The following TTLL11 variants were observed in gnomAD, a reference collection of about 807,000 sequenced individuals.
TTLL11 encodes tubulin tyrosine ligase like 11, also known as tubulin polyglutamylase TTLL11.
TTLL11 carries 42 observed loss-of-function variants against 51.7 expected under a neutral mutation model. The observed-to-expected ratio is 0.81, with a 90% CI of 0.64 to 1.05. The LOEUF (loss-of-function observed/expected upper bound fraction) is 1.05. TTLL11 is among the 50% of genes least tolerant of loss of function. The probability of loss-of-function intolerance (pLI) is 0.00; values close to 1 mark genes in which losing one functional copy is unlikely to be tolerated. For synonymous variants in TTLL11, 381 were observed against 383.5 expected (o/e 0.99, Z 0.08); for missense variants, 799 against 940.4 (o/e 0.85, Z 1.97).
intron 6 of TTLL11, among the ~76,000 whole-genome samples, chr9:121,952,124 G>A (rs1005080958): frequency 1.3e-5 from 2 of 152,134 alleles, no homozygotes; most frequent in African/African-American, 2.4e-5. Context: ...TAGCTGCCTG[G>A]GAATGCAGCC....
intron 8 of TTLL11, among the ~76,000 whole-genome samples, chr9:121,831,109 C>G (rs764410736): frequency 6.6e-6 from 1 of 152,186 alleles, no homozygotes; most frequent in Non-Finnish European, 1.5e-5. Context: ...GAAGGCAAGC[C>G]AGCAATCTTA....
intron 6 of TTLL11, chr9:121,884,735 A>G (rs970159191): frequency 6.6e-6 from 1 of 152,156 alleles, no homozygotes; most frequent in African/African-American, 2.4e-5. Context: ...ACAATTATTA[A>G]TTTCTCAGCT....
intron 6 of TTLL11, among the ~76,000 whole-genome samples, chr9:121,884,273 T>C (rs940157170): frequency 5.3e-5 from 8 of 151,278 alleles, no homozygotes; most frequent in African/African-American, 1.9e-4. Context: ...AATCAATTAT[T>C]ACCCCACTTG....
At chr9:122,025,295 A>G (rs1431532058) in intron 3 of TTLL11, among the ~76,000 whole-genome samples, 1 of 152,206 alleles carries the variant, frequency 6.6e-6, no homozygotes, top group Non-Finnish European at 1.5e-5. Context: ...AGGTCACTAC[A>G]TACCTATTAG....
chr9:122,049,918 C>G lies in TTLL11; in HGVS notation c.463-10550G>C, dbSNP rs1845112494. On this transcript the variant is annotated intron_variant, in intron 1 of 8. Transcript: ENST00000321582. ...GGTGGCAAATAAGCTTTGATATAAGCAAGTCTGTGTGCAATGCATCTGTAG... is the reference window on the plus strand; with the variant it reads ...GGTGGCAAATAAGCTTTGATATAAGGAAGTCTGTGTGCAATGCATCTGTAG... Among the ~76,000 whole-genome samples the G allele has an allele frequency of 1.3e-5, 2 of 152,136 alleles. 1 individual carries two copies. The highest frequency in any genetic ancestry group is 4.2e-4 in the South Asian group (2 of 4,812).
rs77854676 is a variant in TTLL11 at position 121,933,103 on chromosome 9, G to A, written c.1481+40906C>T. Among the ~76,000 whole-genome samples the A allele has an allele frequency of 5.7e-3, 875 of 152,196 alleles. 3 individuals carry two copies. The highest frequency in any genetic ancestry group is 0.015 in the African/African-American group (614 of 41,518). On this transcript the variant is annotated intron_variant, in intron 6 of 8. Transcript: ENST00000321582. ...CAAGTGGTGATTAATATAACACGGC[G>A]GACAGTAGAGGAGGTGAAACTTGTA...
chr9:121,894,970 A>T (rs1035063726), intron 6 of TTLL11, among the ~76,000 whole-genome samples: 16 of 147,058 alleles, frequency 1.1e-4, no homozygotes, highest in African/African-American at 3.8e-4. Context: ...GGGAGAATTC[A>T]TGGTTGAGAA....
In TTLL11 at chr9:122,068,570, A is replaced by AC. The variant is rs552612722; in HGVS notation, c.462+24116_462+24117insG. 7.3e-3 allele frequency among the ~76,000 whole-genome samples: 1,113 copies of AC among 152,280 alleles called. 15 individuals are homozygous for AC. Among genetic ancestry groups the AC allele is most frequent in the African/African-American group, 0.026 (1,072 of 41,556 alleles). ...TCTAAGGTGGGGGTTATTATACCCC[A>AC]TCATTCAGCTGAGGAAACTAAGGCT... On this transcript the variant is annotated intron_variant, in intron 1 of 8. Transcript: ENST00000321582.
At chr9:121,985,815 C>T (rs1001793330) in intron 4 of TTLL11, among the ~76,000 whole-genome samples, 4 of 152,130 alleles carry the variant, frequency 2.6e-5, no homozygotes, top group African/African-American at 9.7e-5. Context: ...CCACCGCGCC[C>T]GGCCCAAGGA....
rs548403638 is a variant in TTLL11, at chr9:121,856,212, T to C, written c.1840+4125A>G. 2.6e-5 allele frequency among the ~76,000 whole-genome samples: 4 copies of C among 152,308 alleles called. No homozygotes were observed. In the East Asian group the frequency reaches 5.8e-4, roughly 22 times the overall value. On this transcript the variant is annotated intron_variant, in intron 8 of 8. Transcript: ENST00000321582. ...TCAGCTTCCCAAGTCGCTGGGACTA[T>C]AGGCAACTGCCATCATGCCTGGTGA...
chr9:121,986,798 G>C (rs903386390), intron 4 of TTLL11, among the ~76,000 whole-genome samples: 1 of 151,938 alleles, frequency 6.6e-6, no homozygotes, highest in Admixed American at 6.6e-5. Context: ...CCATCCACTA[G>C]AGACACTGCC....
chr9:121,999,751 T>TG (rs1843405454), intron 3 of TTLL11, among the ~76,000 whole-genome samples: 1 of 152,194 alleles, frequency 6.6e-6, no homozygotes, highest in Non-Finnish European at 1.5e-5. Flanking sequence ...CACGTGCGCG[T>TG]GCACACATTT....
chr9:122,031,974 T>G, intron 2 of TTLL11, 118 bp from the exon 3 acceptor site: 1 of 1,402,318 alleles, frequency 7.1e-7, no homozygotes, highest in Non-Finnish European at 9.6e-7. Flanking sequence ...AGGCAGGATT[T>G]TTAAAAAAGG....
intron 6 of TTLL11, among the ~76,000 whole-genome samples, chr9:121,903,186 C>T (rs867450420): frequency 1.1e-4 from 16 of 152,198 alleles, no homozygotes; most frequent in African/African-American, 3.6e-4. Context: ...TGCAATGCAA[C>T]AGGCTCCCTA....
chr9:122,018,959 A>G (rs886306690), intron 3 of TTLL11, among the ~76,000 whole-genome samples: 4 of 152,202 alleles, frequency 2.6e-5, no homozygotes, highest in Non-Finnish European at 5.9e-5. Context: ...CTTGAGCAAC[A>G]AACACTTGCC....
intron 6 of TTLL11, among the ~76,000 whole-genome samples, chr9:121,949,476 A>G (rs571802550): frequency 6.6e-6 from 1 of 152,204 alleles, no homozygotes; most frequent in Non-Finnish European, 1.5e-5. Flanking sequence ...AATGAGCATA[A>G]TAACTAACAT....
Position 121,989,115 on chromosome 9 carries a change from A to G in TTLL11, c.1269+80T>C. 3.2e-6 allele frequency: 5 copies of G among 1,563,312 alleles called. No homozygotes were observed. The highest frequency in any genetic ancestry group is 4.3e-6 in the Non-Finnish European group (5 of 1,152,806). On this transcript the variant is annotated intron_variant, in intron 4 of 8. Coordinates refer to ENST00000321582, the MANE Select transcript of TTLL11 (RefSeq NM_001139442.2). The surrounding 1 kb of genome is among the most constrained non-coding windows in gnomAD (Gnocchi z 4.2). ...CTCCTCTGGCCATCCCACCCCGATC[A>G]CTCATCCTACACGAAGCCAGAGAGC...
chr9:121,948,229 G>A (rs1386749586), intron 6 of TTLL11, among the ~76,000 whole-genome samples: 1 of 152,170 alleles, frequency 6.6e-6, no homozygotes, highest in Non-Finnish European at 1.5e-5. Context: ...ACCGGAACAT[G>A]GCAGGCAGGA....
chr9:122,085,352 T>C (rs1402490367), intron 1 of TTLL11, among the ~76,000 whole-genome samples: 2 of 152,186 alleles, frequency 1.3e-5, no homozygotes, highest in African/African-American at 4.8e-5. Flanking sequence ...ACTTTAGAAG[T>C]ATAATTGATT....
Sources: allele counts gnomAD v4.1 joint callset (sites outside exome capture counted in the v4.1 genomes callset), GRCh38; gene constraint gnomAD v4.1.1; non-coding constraint Gnocchi (gnomAD v3.1); transcripts MANE v1.5; gene names NCBI Gene and HGNC (gene_info 2026-07-23, HGNC 2026-07-21).